SPTBN1: variants seen among roughly 807,000 people sequenced by gnomAD.
SPTBN1 encodes spectrin beta chain, non-erythrocytic 1.
In SPTBN1, 32 loss-of-function variants were observed where a neutral mutation model predicts 266.4. The observed-to-expected ratio is 0.12, with a 90% CI of 0.09 to 0.16. The LOEUF (loss-of-function observed/expected upper bound fraction) is 0.16. SPTBN1 is among the 10% of genes least tolerant of loss of function. The pLI, the probability that SPTBN1 is intolerant of heterozygous loss-of-function variation, is 1.00. For synonymous variants in SPTBN1, 1,336 were observed against 1,162.2 expected (o/e 1.15, Z -3.04); for missense variants, 2,296 against 3,067.1 (o/e 0.75, Z 5.94).
chr2:54,504,515 T>C (rs1259851971), intron 1 of SPTBN1, among the ~76,000 whole-genome samples: 1 of 152,136 alleles, frequency 6.6e-6, no homozygotes, highest in African/African-American at 2.4e-5. Flanking sequence ...AGAAGCACGA[T>C]TTGCTGCTTA....
At chr2:54,577,014 G>A (rs1674531718) in intron 2 of SPTBN1, among the ~76,000 whole-genome samples, 1 of 152,180 alleles carries the variant, frequency 6.6e-6, no homozygotes, top group Non-Finnish European at 1.5e-5. Context: ...CATGGAGGAT[G>A]TTGGGGAATG....
chr2:54,491,562 C>G (rs1205754135), intron 1 of SPTBN1, among the ~76,000 whole-genome samples: 1 of 152,070 alleles, frequency 6.6e-6, no homozygotes, highest in Non-Finnish European at 1.5e-5. Context: ...TTCTGTGGTT[C>G]AAGTAATCAT....
chr2:54,651,601 A>T (rs1043532167), intron 26 of SPTBN1, among the ~76,000 whole-genome samples: 10 of 152,154 alleles, frequency 6.6e-5, no homozygotes, highest in Non-Finnish European at 1.3e-4. Flanking sequence ...GGAGGTCTTG[A>T]GTGGTTATGC....
chr2:54,466,438 T>C lies in SPTBN1; in HGVS notation c.-48+9920T>C, dbSNP rs1422854802. Among the ~76,000 whole-genome samples, 14 of 27,858 alleles carry C rather than the reference T, an allele frequency of 5.0e-4. 6 individuals carry two copies. The East Asian group carries it at 0.018, about 35-fold the overall frequency. 18.3% of individuals were successfully genotyped at this position (27,858 alleles called of 152,430 possible). A position where few individuals can be genotyped will look rare whatever the true frequency, so the allele number is the denominator to read the frequency against. ...TTAGCCGGGCGTGGTAGCGGGCGCC[T>C]GTAGTCCCAGCTACTCGGGAGGCTG... is the stretch of plus-strand genomic sequence containing the variant. On this transcript the variant is annotated intron_variant, in intron 1 of 35. Coordinates refer to ENST00000356805, the MANE Select transcript of SPTBN1 (RefSeq NM_003128.3).
chr2:54,592,797 A>G (rs1426598434), intron 2 of SPTBN1, among the ~76,000 whole-genome samples: 2 of 152,128 alleles, frequency 1.3e-5, no homozygotes, highest in Admixed American at 6.5e-5. Context: ...AGGTGTAGCT[A>G]TGCATCTTAA....
At position 54,645,429 on chromosome 2, in the gene SPTBN1, C is replaced by T; in HGVS notation, c.4470C>T (p.Phe1490=). 6.2e-7 allele frequency: 1 copy of T among 1,614,134 alleles called. No individual in the cohort carries two copies. ...TGGCCTCCAAAGAGATCCATCAGTT[C>T]AACAGGGATGTGGAGGACGAGATCG... is the stretch of plus-strand genomic sequence containing the variant. ...NLLASKEIHQ[F]NRDVEDEILW... Residue 1490 remains phenylalanine (F), a synonymous_variant, in exon 21 of 36, where the codon TTC becomes TTT. Transcript: ENST00000356805. The surrounding 1 kb of genome is among the most constrained non-coding windows in gnomAD (Gnocchi z 4.3).
At position 54,456,420 on chromosome 2, in the gene SPTBN1, C is replaced by T. The variant is rs1467320124; in HGVS notation, c.-146C>T. ...CCGTCCTGTGAGCCCCGGCCCCAGCCGCGGACAGACCCGCGGAGTCGCCTC... is the reference window on the plus strand; with the variant it reads ...CCGTCCTGTGAGCCCCGGCCCCAGCTGCGGACAGACCCGCGGAGTCGCCTC... On this transcript the variant is annotated 5_prime_UTR_variant, in exon 1 of 36. Coordinates refer to ENST00000356805, the MANE Select transcript of SPTBN1 (RefSeq NM_003128.3). 6.6e-6 allele frequency: 1 copy of T among 152,274 alleles called. No homozygotes were observed. Among genetic ancestry groups the T allele is most frequent in the Non-Finnish European group, 1.5e-5 (1 of 68,150 alleles). The allele number at this position is 152,274 out of a possible 1,614,324, so 9.4% of individuals were successfully genotyped here. A position where few individuals can be genotyped will look rare whatever the true frequency, so the allele number is the denominator to read the frequency against.
chr2:54,612,143 C>G lies in SPTBN1; in HGVS notation c.301-18C>G. 2 of 1,572,946 alleles carry G rather than the reference C, an allele frequency of 1.3e-6. No individual in the cohort carries two copies. The highest frequency in any genetic ancestry group is 1.7e-6 in the Non-Finnish European group (2 of 1,155,506). On this transcript the variant is annotated intron_variant, in intron 3 of 35. Coordinates refer to ENST00000356805, the MANE Select transcript of SPTBN1 (RefSeq NM_003128.3). The stretch of plus-strand genomic sequence containing the variant: ...TCTGTTGGGTGATGTGTCTCTACCT[C>G]TGCTCTCCTGTTTCTAGCCTAAACC...
intron 2 of SPTBN1, among the ~76,000 whole-genome samples, chr2:54,586,176 C>G (rs898921559): frequency 6.6e-6 from 1 of 152,196 alleles, no homozygotes; most frequent in African/African-American, 2.4e-5. Context: ...TCCCCAAACA[C>G]ACATTGGTAG....
chr2:54,485,158 C>G (rs116332364), intron 1 of SPTBN1, among the ~76,000 whole-genome samples: 38 of 151,976 alleles, frequency 2.5e-4, no homozygotes, highest in African/African-American at 8.2e-4. Context: ...CTCCCTCTCC[C>G]TCTCCCTCTC....
chr2:54,664,378 G>A lies in SPTBN1; in HGVS notation c.6421-75G>A. On this transcript the variant is annotated intron_variant, in intron 32 of 35. Coordinates refer to ENST00000356805, the MANE Select transcript of SPTBN1 (RefSeq NM_003128.3). The surrounding 1 kb of genome is among the most constrained non-coding windows in gnomAD (Gnocchi z 5.6). ...CAGGCATTTATACACAGCCACATGT[G>A]CGAGTCAGGTAGAGCGTATGTGGTC... 4 of 1,447,242 alleles carry A rather than the reference G, an allele frequency of 2.8e-6. No homozygotes were observed. Among genetic ancestry groups the A allele is most frequent in the South Asian group, 2.5e-5 (2 of 78,746 alleles). The allele number at this position is 1,447,242 out of a possible 1,614,324, so 89.7% of individuals were successfully genotyped here.
chr2:54,535,263 C>T (rs1373034639), intron 2 of SPTBN1: 1 of 152,144 alleles, frequency 6.6e-6, no homozygotes, highest in East Asian at 1.9e-4. Flanking sequence ...ATTTACATAC[C>T]ATAAAATATA....
Position 54,558,484 on chromosome 2 carries a change from C to G in SPTBN1, c.148+31918C>G. 5 of 1,133,532 alleles carry G rather than the reference C, an allele frequency of 4.4e-6. No individual in the cohort carries two copies. Among genetic ancestry groups the G allele is most frequent in the Non-Finnish European group, 5.4e-6 (5 of 924,280 alleles). 70.2% of individuals were successfully genotyped at this position (1,133,532 alleles called of 1,614,324 possible). On this transcript the variant is annotated intron_variant, in intron 2 of 35. Coordinates refer to ENST00000356805, the MANE Select transcript of SPTBN1 (RefSeq NM_003128.3). This position sits in a 1 kb window ranked among gnomAD's most constrained non-coding sequence, Gnocchi z 4.6. ...TTTAAAAGTTCTGAAGTAGAACCTG[C>G]GCCTCCTCTCTGCTTCTCCCTCCTC...
chr2:54,505,346 CA>C (rs1669497195), intron 1 of SPTBN1, among the ~76,000 whole-genome samples: 1 of 152,184 alleles, frequency 6.6e-6, no homozygotes, highest in East Asian at 1.9e-4. Context: ...AGTATACTTT[CA>C]GGCAAGATGG....
intron 32 of SPTBN1, chr2:54,661,737 T>C (rs1681062286): frequency 2.0e-6 from 2 of 985,402 alleles, no homozygotes; most frequent in Non-Finnish European, 1.2e-6. Flanking sequence ...GATGTTTTCA[T>C]ATATATATGT....
rs77759719 is a variant in SPTBN1 at position 54,530,105 on chromosome 2, C to T, written c.148+3539C>T. Among the ~76,000 whole-genome samples, 1,144 of 152,070 alleles carry T rather than the reference C, an allele frequency of 7.5e-3. 13 individuals are homozygous for T. Among genetic ancestry groups the T allele is most frequent in the African/African-American group, 0.026 (1,084 of 41,502 alleles). On this transcript the variant is annotated intron_variant, in intron 2 of 35. Coordinates refer to ENST00000356805, the MANE Select transcript of SPTBN1 (RefSeq NM_003128.3). ...ATTTCCTGTGTCCCTCTAGGGCTTT[C>T]GGTAGATACAATCTAATCTAGGTTT...
intron 2 of SPTBN1, among the ~76,000 whole-genome samples, chr2:54,571,576 TACACACACACACACAC>T (rs67239523): frequency 9.9e-6 from 1 of 100,656 alleles, no homozygotes; most frequent in Admixed American, 9.0e-5. Context: ...CACACACACA[TACACACACACACACAC>T]ACACACACAT....
At chr2:54,492,194 C>T (rs1558774890) in intron 1 of SPTBN1, among the ~76,000 whole-genome samples, 1 of 152,148 alleles carries the variant, frequency 6.6e-6, no homozygotes, top group Non-Finnish European at 1.5e-5. Flanking sequence ...CACATATACA[C>T]TCACATTTTT....
chr2:54,456,781 C>T (rs1440365868), intron 1 of SPTBN1, among the ~76,000 whole-genome samples: 1 of 150,686 alleles, frequency 6.6e-6, no homozygotes, highest in African/African-American at 2.4e-5. Flanking sequence ...TGCGGTGAGG[C>T]GGCAGCAGAC....
Sources: gnomAD v4.1 joint callset for allele counts (sites outside exome capture counted in the v4.1 genomes callset) on GRCh38, gnomAD v4.1.1 for gene constraint, Gnocchi (gnomAD v3.1) non-coding constraint, MANE v1.5 for transcripts, NCBI Gene and HGNC (gene_info 2026-07-23, HGNC 2026-07-21) for gene names.